Variants in OR2G6 observed in about 807,000 individuals in gnomAD.
The protein encoded by OR2G6 is olfactory receptor 2G6.
For synonymous variants in OR2G6, 183 were observed against 155.2 expected (o/e 1.18, Z -1.33); for missense variants, 457 against 391.3 (o/e 1.17, Z -1.42).
At chr1:248,519,836 A>G (rs767795092) in intron 1 of OR2G6, among the ~76,000 whole-genome samples, 1 of 152,128 alleles carries the variant, frequency 6.6e-6, no homozygotes, top group Non-Finnish European at 1.5e-5. Flanking sequence ...TTCCATATGA[A>G]ATTTAAAGTA....
chr1:248,521,541 A>G, intron 1 of OR2G6, 70 bp from the exon 2 acceptor site: 1 of 780,614 alleles, frequency 1.3e-6, no homozygotes, highest in Admixed American at 2.4e-5. Context: ...GAAGATAATT[A>G]TACTGTAAAC....
In OR2G6 at chr1:248,521,911, G is replaced by A. The variant is rs1404058619; in HGVS notation, c.265G>A (p.Asp89Asn). ...PQLLVTMNKK[D>N]KTMSYGGCVA... ...GTTGCTGGTTACCATGAATAAGAAA[G>A]ACAAAACCATGAGCTACGGTGGCTG... Residue 89 changes from aspartate (D) to asparagine (N), a missense_variant, in exon 2 of 2, where the codon GAC becomes AAC. Transcript: ENST00000641804. 1 of 1,614,140 alleles carries A rather than the reference G, an allele frequency of 6.2e-7. No individual in the cohort carries two copies. The highest frequency in any genetic ancestry group is 1.3e-5 in the African/African-American group (1 of 75,016).
Position 248,522,720 on chromosome 1 carries a change from A to C in OR2G6, c.*123A>C, listed in dbSNP as rs1664317452. 3 of 667,282 alleles carry C rather than the reference A, an allele frequency of 4.5e-6. No individual in the cohort carries two copies. The African/African-American group carries it at 5.4e-5, about 12-fold the overall frequency. The allele number at this position is 667,282 out of a possible 1,614,324, so 41.3% of individuals were successfully genotyped here. A position where few individuals can be genotyped will look rare whatever the true frequency, so the allele number is the denominator to read the frequency against. ...CTAGGAAGCATTGGAATTCTAAAGA[A>C]GGGAAACACCTCAAGGCAGCGTGAG... On this transcript the variant is annotated 3_prime_UTR_variant, in exon 2 of 2. Coordinates refer to ENST00000641804, the MANE Select transcript of OR2G6 (RefSeq NM_001013355.2).
intron 1 of OR2G6, among the ~76,000 whole-genome samples, chr1:248,519,765 T>TG (rs1411075966): frequency 2.0e-5 from 3 of 152,196 alleles, no homozygotes; most frequent in African/African-American, 7.2e-5. Context: ...TCAGGTAGTG[T>TG]GATGCCTCCA....
rs764612596 is a variant in OR2G6, at chr1:248,522,211, T to C, written c.565T>C (p.Cys189Arg). Reference protein sequence around the residue: ...CEVPVLIKLACVDTTFNEAEL... With the variant: ...CEVPVLIKLARVDTTFNEAEL... ...GGTGCCAGTGCTCATCAAACTGGCC[T>C]GTGTGGATACGACTTTCAACGAGGC... Residue 189 changes from cysteine to arginine, a missense_variant, in exon 2 of 2, where the codon TGT (cysteine) becomes CGT (arginine). Cys to Arg is a radical substitution (Grantham distance 180). Transcript: ENST00000641804. The C allele has an allele frequency of 7.4e-6, 12 of 1,614,192 alleles. No individual in the cohort carries two copies. In the East Asian group the frequency reaches 1.6e-4, roughly 21 times the overall value.
rs771229235 is a variant in OR2G6, at chr1:248,522,123, G to C, written c.477G>C (p.Gln159His). 72 of 1,612,230 alleles carry C rather than the reference G, an allele frequency of 4.5e-5. No homozygotes were observed. Among genetic ancestry groups the C allele is most frequent in the Non-Finnish European group, 6.1e-5 (72 of 1,179,992 alleles). ...WLSGLITSLIQCSLTVQLPLC... is the reference protein window; with the variant it reads ...WLSGLITSLIHCSLTVQLPLC... ...GCGGCCTCATCACCTCCCTAATTCA[G>C]TGCTCCCTCACTGTGCAGCTGCCCC... The change falls in exon 2 of 2, where the codon CAG (glutamine) becomes CAC (histidine). Residue 159 changes from glutamine to histidine, a missense_variant. Transcript: ENST00000641804.
Position 248,522,459 on chromosome 1 carries a change from AAAGTTT to A in OR2G6, c.814_819del (p.Lys272_Phe273del), listed in dbSNP as rs1558372661. On this transcript the variant is annotated inframe_deletion, in exon 2 of 2. Coordinates refer to ENST00000641804, the MANE Select transcript of OR2G6 (RefSeq NM_001013355.2). ...CCAATAGGAGATCCAAAAACCAGGG[AAAGTTT>A]GTTTCTCTTTTCTATACCATAGTCA... is the stretch of plus-strand genomic sequence containing the variant. 6.2e-7 allele frequency: 1 copy of A among 1,614,142 alleles called. No individual in the cohort carries two copies. Among genetic ancestry groups the A allele is most frequent in the African/African-American group, 1.3e-5 (1 of 75,034 alleles).
rs1659149556 is a variant in OR2G6, at chr1:248,527,217, C to G, written c.*4620C>G. 6.6e-6 allele frequency: 1 copy of G among 152,148 alleles called. No individual in the cohort carries two copies. Among genetic ancestry groups the G allele is most frequent in the Non-Finnish European group, 1.5e-5 (1 of 68,032 alleles). The allele number at this position is 152,148 out of a possible 1,614,324, so 9.4% of individuals were successfully genotyped here. A position where few individuals can be genotyped will look rare whatever the true frequency, so the allele number is the denominator to read the frequency against. On this transcript the variant is annotated 3_prime_UTR_variant, in exon 2 of 2. Coordinates refer to ENST00000641804, the MANE Select transcript of OR2G6 (RefSeq NM_001013355.2). ...TTTCAGCTTTCTACATATGGCTAGT[C>G]AGTTTTCCCAGCACCATTTGTTAAA...
chr1:248,523,086 AAT>A lies in OR2G6; in HGVS notation c.*492_*493del, dbSNP rs139282699. ...CCTTGTGCAGAATTAACTGTTTCAT[AAT>A]ATGTTTCCATAGCACTTGATCCACA... On this transcript the variant is annotated 3_prime_UTR_variant, in exon 2 of 2. Coordinates refer to ENST00000641804, the MANE Select transcript of OR2G6 (RefSeq NM_001013355.2). 0.014 allele frequency: 2,279 copies of A among 158,684 alleles called. 56 individuals carry two copies. The highest frequency in any genetic ancestry group is 0.05 in the African/African-American group (2,086 of 41,602). The allele number at this position is 158,684 out of a possible 1,614,324, so 9.8% of individuals were successfully genotyped here.
At position 248,525,158 on chromosome 1, in the gene OR2G6, T is replaced by C. The variant is rs1054285650; in HGVS notation, c.*2561T>C. The stretch of plus-strand genomic sequence containing the variant: ...ATTGAATAACATGAGTAGTTTCTCT[T>C]TTTTAAATACCTACATTGAGCATAC... On this transcript the variant is annotated 3_prime_UTR_variant, in exon 2 of 2. Transcript: ENST00000641804. 4.7e-5 allele frequency: 7 copies of C among 148,856 alleles called. No individual in the cohort carries two copies. Among genetic ancestry groups the C allele is most frequent in the African/African-American group, 1.8e-4 (7 of 38,460 alleles). 9.2% of individuals were successfully genotyped at this position (148,856 alleles called of 1,614,324 possible).
Position 248,527,088 on chromosome 1 carries a change from T to C in OR2G6, c.*4491T>C, listed in dbSNP as rs921285331. The stretch of plus-strand genomic sequence containing the variant: ...ATCCATGCCTATGTCCTGAATGGAA[T>C]TGCCTAGGTTTTCTTCTAGGGTTTT... On this transcript the variant is annotated 3_prime_UTR_variant, in exon 2 of 2. Transcript: ENST00000641804. 1 of 152,156 alleles carries C rather than the reference T, an allele frequency of 6.6e-6. No individual in the cohort carries two copies. 9.4% of individuals were successfully genotyped at this position (152,156 alleles called of 1,614,324 possible). A position where few individuals can be genotyped will look rare whatever the true frequency, so the allele number is the denominator to read the frequency against.
chr1:248,525,201 TATA>T lies in OR2G6; in HGVS notation c.*2607_*2609del, dbSNP rs1247569976. 1 of 152,200 alleles carries T rather than the reference TATA, an allele frequency of 6.6e-6. No homozygotes were observed. The highest frequency in any genetic ancestry group is 6.5e-5 in the Admixed American group (1 of 15,274). 9.4% of individuals were successfully genotyped at this position (152,200 alleles called of 1,614,324 possible). ...GAGCATACTTTTGTTTGTGAATGCT[TATA>T]ATTATGTACTTATAATGTATTTTAT... is the stretch of plus-strand genomic sequence containing the variant. On this transcript the variant is annotated 3_prime_UTR_variant, in exon 2 of 2. Transcript: ENST00000641804.
At position 248,522,295 on chromosome 1, in the gene OR2G6, TCCTA is replaced by T. The variant is rs1664307714; in HGVS notation, c.650_653del (p.Ser217LeufsTer9). 1.2e-6 allele frequency: 2 copies of T among 1,614,046 alleles called. No individual in the cohort carries two copies. The highest frequency in any genetic ancestry group is 1.3e-5 in the African/African-American group (1 of 74,914). Reference sequence around the variant, plus strand: ...TGTCCCGGTGTTACTCATCTTAGTCTCCTATGGCTTTATCACTCAAGCTGTGTTA... The same window carrying T: ...TGTCCCGGTGTTACTCATCTTAGTCTTGGCTTTATCACTCAAGCTGTGTTA... On this transcript the variant is annotated frameshift_variant, in exon 2 of 2. Coordinates refer to ENST00000641804, the MANE Select transcript of OR2G6 (RefSeq NM_001013355.2). LOFTEE classifies it low-confidence loss of function (END_TRUNC).
chr1:248,521,893 G>A lies in OR2G6; in HGVS notation c.247G>A (p.Val83Ile). The A allele has an allele frequency of 6.2e-7, 1 of 1,614,120 alleles. No individual in the cohort carries two copies. ...FTTSVAPQLL[V>I]TMNKKDKTMS... ...CACCAGTGTTGCCCCACAGTTGCTG[G>A]TTACCATGAATAAGAAAGACAAAAC... is the stretch of plus-strand genomic sequence containing the variant. Residue 83 changes from valine to isoleucine, a missense_variant, in exon 2 of 2, where the codon GTT becomes ATT. Coordinates refer to ENST00000641804, the MANE Select transcript of OR2G6 (RefSeq NM_001013355.2).
chr1:248,526,904 T>A lies in OR2G6; in HGVS notation c.*4307T>A, dbSNP rs1003156152. ...TTCTGGATATTATCCCTTTGTCAGA[T>A]GAGTAGACTGCAAAAATTTTCTCCC... On this transcript the variant is annotated 3_prime_UTR_variant, in exon 2 of 2. Coordinates refer to ENST00000641804, the MANE Select transcript of OR2G6 (RefSeq NM_001013355.2). 6.6e-6 allele frequency: 1 copy of A among 152,196 alleles called. No individual in the cohort carries two copies. The highest frequency in any genetic ancestry group is 1.5e-5 in the Non-Finnish European group (1 of 68,036). The allele number at this position is 152,196 out of a possible 1,614,324, so 9.4% of individuals were successfully genotyped here.
intron 1 of OR2G6, among the ~76,000 whole-genome samples, chr1:248,519,735 C>A (rs553251456): frequency 6.6e-6 from 1 of 152,198 alleles, no homozygotes; most frequent in East Asian, 1.9e-4. Flanking sequence ...GTTACTGTAG[C>A]CTTGTAGTAT....
chr1:248,519,644 A>C (rs1664238082), intron 1 of OR2G6, among the ~76,000 whole-genome samples: 1 of 151,924 alleles, frequency 6.6e-6, no homozygotes, highest in Non-Finnish European at 1.5e-5. Flanking sequence ...ATGGTTGTAG[A>C]TGTGCGGTGT....
intron 1 of OR2G6, 25 bp from the exon 2 acceptor site, chr1:248,521,586 C>G: frequency 8.2e-7 from 1 of 1,216,098 alleles, no homozygotes; most frequent in Non-Finnish European, 1.2e-6. Flanking sequence ...TCATTACTTT[C>G]TATCCCCAAA....
chr1:248,525,371 T>C lies in OR2G6; in HGVS notation c.*2774T>C, dbSNP rs1664375276. 6.6e-6 allele frequency: 1 copy of C among 152,168 alleles called. No homozygotes were observed. Among genetic ancestry groups the C allele is most frequent in the Non-Finnish European group, 1.5e-5 (1 of 68,028 alleles). 9.4% of individuals were successfully genotyped at this position (152,168 alleles called of 1,614,324 possible). ...AAATGACCATTCAGTATTGCAATTA[T>C]TTAAAAACTATACAATGAGAATGCT... is the stretch of plus-strand genomic sequence containing the variant. On this transcript the variant is annotated 3_prime_UTR_variant, in exon 2 of 2. Coordinates refer to ENST00000641804, the MANE Select transcript of OR2G6 (RefSeq NM_001013355.2).
Sources: gnomAD v4.1 joint callset for allele counts (sites outside exome capture counted in the v4.1 genomes callset) on GRCh38, gnomAD v4.1.1 for gene constraint, MANE v1.5 for transcripts, NCBI Gene and HGNC (gene_info 2026-07-23, HGNC 2026-07-21) for gene names.